Variants in EIF3H observed in about 807,000 individuals in gnomAD.
EIF3H encodes eIF-3-gamma.
Under a neutral mutation model 44.2 loss-of-function variants are expected in EIF3H, and 26 were observed. The ratio of observed to expected loss-of-function variants is 0.59; its 90% CI spans 0.43 to 0.82. The LOEUF (loss-of-function observed/expected upper bound fraction) is 0.82, where lower values mean the gene tolerates loss of function less well. Among genes scored for constraint, EIF3H ranks in the 40% least tolerant of loss-of-function variants. The pLI, the probability that EIF3H is intolerant of heterozygous loss-of-function variation, is 0.00. For synonymous variants in EIF3H, 166 were observed against 151.9 expected (o/e 1.09, Z -0.68); for missense variants, 359 against 432.8 (o/e 0.83, Z 1.51).
intron 2 of EIF3H, among the ~76,000 whole-genome samples, chr8:116,670,804 A>C (rs1164822875): frequency 1.3e-5 from 2 of 152,182 alleles, no homozygotes; most frequent in African/African-American, 2.4e-5. Flanking sequence ...CAAGCAACCA[A>C]CAATCCTGTT....
In EIF3H at chr8:116,642,278, A is replaced by G. The variant is rs1813234524; in HGVS notation, c.*2728T>C. 6.6e-6 allele frequency: 1 copy of G among 152,204 alleles called. No homozygotes were observed. Among genetic ancestry groups the G allele is most frequent in the Admixed American group, 6.5e-5 (1 of 15,280 alleles). 9.4% of individuals were successfully genotyped at this position (152,204 alleles called of 1,614,324 possible). ...CAAGTTTTCTAAAGGATGTTAAAAAACTATAGTATGAAGAATGTAATAATA... is the reference window on the plus strand; with the variant it reads ...CAAGTTTTCTAAAGGATGTTAAAAAGCTATAGTATGAAGAATGTAATAATA... On this transcript the variant is annotated 3_prime_UTR_variant, in exon 8 of 8. Coordinates refer to ENST00000521861, the MANE Select transcript of EIF3H (RefSeq NM_003756.3).
chr8:116,761,469 A>T (rs1410515777), intron 1 of EIF3H, among the ~76,000 whole-genome samples: 1 of 152,170 alleles, frequency 6.6e-6, no homozygotes, highest in Non-Finnish European at 1.5e-5. Context: ...GCGAGATTGC[A>T]CCACTGCACT....
At chr8:116,698,820 C>T (rs947403063) in intron 2 of EIF3H, among the ~76,000 whole-genome samples, 1 of 151,938 alleles carries the variant, frequency 6.6e-6, no homozygotes, top group African/African-American at 2.4e-5. Context: ...ACCAATGGCT[C>T]ATTAGAGCAA....
intron 2 of EIF3H, among the ~76,000 whole-genome samples, chr8:116,714,933 T>C (rs1395153352): frequency 6.6e-6 from 1 of 152,032 alleles, no homozygotes; most frequent in Non-Finnish European, 1.5e-5. Flanking sequence ...ACAGACTAGG[T>C]TTCCAGCAGT....
At chr8:116,752,207 G>A (rs1815355258) in intron 1 of EIF3H, among the ~76,000 whole-genome samples, 1 of 152,168 alleles carries the variant, frequency 6.6e-6, no homozygotes, top group African/African-American at 2.4e-5. Flanking sequence ...TTGTGGATGA[G>A]AAAATGTACC....
intron 2 of EIF3H, among the ~76,000 whole-genome samples, chr8:116,705,500 CA>C (rs138738739): frequency 0.28 from 39,238 of 138,180 alleles, 7,371 homozygotes; most frequent in African/African-American, 0.54. Flanking sequence ...CACCCCCCCC[CA>C]CCACCAACAC....
At chr8:116,746,362 T>A (rs968003671) in intron 1 of EIF3H, among the ~76,000 whole-genome samples, 1 of 152,310 alleles carries the variant, frequency 6.6e-6, no homozygotes, top group Non-Finnish European at 1.5e-5. Context: ...TGTACCCACG[T>A]CTCCCCATTG....
intron 2 of EIF3H, among the ~76,000 whole-genome samples, chr8:116,688,324 T>C (rs1179800956): frequency 3.9e-5 from 6 of 152,030 alleles, no homozygotes; most frequent in Non-Finnish European, 7.4e-5. Context: ...TTCTGACATA[T>C]ACAGGGCTTT....
intron 1 of EIF3H, among the ~76,000 whole-genome samples, chr8:116,738,115 G>C (rs1189138165): frequency 6.6e-6 from 1 of 151,340 alleles, no homozygotes; most frequent in Non-Finnish European, 1.5e-5. Flanking sequence ...TACTAGAATG[G>C]AGCATGTGTT....
intron 1 of EIF3H, among the ~76,000 whole-genome samples, chr8:116,743,122 C>A (rs1815158671): frequency 6.6e-6 from 1 of 152,172 alleles, no homozygotes. Flanking sequence ...AAAACACCAT[C>A]TACAAGCCCT....
chr8:116,646,333 C>G (rs572709113), intron 7 of EIF3H, 138 bp downstream of exon 7: 19 of 1,273,964 alleles, frequency 1.5e-5, no homozygotes, highest in Admixed American at 1.9e-5. Context: ...ATTACAGGTG[C>G]TAGATTCAAA....
chr8:116,732,213 T>A (rs1223503759), intron 1 of EIF3H, among the ~76,000 whole-genome samples: 1 of 152,064 alleles, frequency 6.6e-6, no homozygotes, highest in Non-Finnish European at 1.5e-5. Context: ...TTTTAAAGTG[T>A]CTGGCTTTAA....
At chr8:116,718,631 C>T (rs1814692298) in intron 2 of EIF3H, among the ~76,000 whole-genome samples, 1 of 149,930 alleles carries the variant, frequency 6.7e-6, no homozygotes, top group East Asian at 2.0e-4. Context: ...GAATGGAAAA[C>T]CGAACATCAT....
At chr8:116,744,910 G>C (rs1815206151) in intron 1 of EIF3H, among the ~76,000 whole-genome samples, 1 of 152,174 alleles carries the variant, frequency 6.6e-6, no homozygotes, top group Non-Finnish European at 1.5e-5. Context: ...TTCATGCTTT[G>C]TAGAGGCTTT....
chr8:116,658,791 GAAT>G lies in EIF3H; in HGVS notation c.457+19_457+21del, dbSNP rs779427890. 3.1e-6 allele frequency: 5 copies of G among 1,599,164 alleles called. No homozygotes were observed. In the African/African-American group the frequency reaches 5.4e-5, roughly 17 times the overall value. On this transcript the variant is annotated intron_variant, in intron 3 of 7. Transcript: ENST00000521861. ...GTAGTAATAATATTAAGGGAAAAAA[GAAT>G]AATAAACCTCCTACTAACCATAAAT... is the stretch of plus-strand genomic sequence containing the variant.
chr8:116,673,975 C>G (rs1188884013), intron 2 of EIF3H, among the ~76,000 whole-genome samples: 1 of 141,100 alleles, frequency 7.1e-6, no homozygotes, highest in Non-Finnish European at 1.5e-5. Flanking sequence ...GAGGCTGAGG[C>G]AGGAGAATGG....
intron 1 of EIF3H, 87 bp downstream of exon 1, chr8:116,755,579 G>A (rs1288471601): frequency 1.8e-5 from 28 of 1,574,248 alleles, no homozygotes; most frequent in Non-Finnish European, 2.4e-5. Flanking sequence ...CAAGCCCAAG[G>A]GGGAGAATGC....
chr8:116,668,230 A>G (rs1268082680), intron 2 of EIF3H, among the ~76,000 whole-genome samples: 2 of 152,254 alleles, frequency 1.3e-5, no homozygotes, highest in Admixed American at 1.3e-4. Flanking sequence ...TGCTAAGAGA[A>G]AAAAGCAGAA....
intron 1 of EIF3H, among the ~76,000 whole-genome samples, chr8:116,750,478 C>T (rs1234956606): frequency 2.7e-5 from 4 of 149,052 alleles, no homozygotes; most frequent in African/African-American, 5.0e-5. Flanking sequence ...GGTGCAATCT[C>T]GGCTCACTGC....
Sources: allele counts gnomAD v4.1 joint callset (sites outside exome capture counted in the v4.1 genomes callset), GRCh38; gene constraint gnomAD v4.1.1; transcripts MANE v1.5; gene names NCBI Gene and HGNC (gene_info 2026-07-23, HGNC 2026-07-21).